The following SLC9A9 variants were observed in gnomAD, a reference collection of about 807,000 sequenced individuals.
SLC9A9 encodes solute carrier family 9 member A9.
In SLC9A9, 62 loss-of-function variants were observed where a neutral mutation model predicts 77.8. The ratio of observed to expected loss-of-function variants is 0.80; its 90% CI spans 0.65 to 0.98. SLC9A9 has a LOEUF of 0.98. Ranked by LOEUF, SLC9A9 falls within the 50% of genes least tolerant of loss-of-function variation. SLC9A9 has a pLI of 0.00. For synonymous variants in SLC9A9, 320 were observed against 283.5 expected, an observed-to-expected ratio of 1.13 and a Z score of -1.29; for missense variants, 775 against 774.9, an observed-to-expected ratio of 1.00 and a Z score of 0.00.
intron 6 of SLC9A9, among the ~76,000 whole-genome samples, chr3:143,624,328 A>G (rs1454011798): frequency 2.6e-5 from 4 of 152,180 alleles, no homozygotes; most frequent in Non-Finnish European, 1.5e-5. Context: ...AGAATTTTAG[A>G]CCAATATCCC....
At chr3:143,392,056 A>G (rs1020066130) in intron 12 of SLC9A9, among the ~76,000 whole-genome samples, 16 of 152,246 alleles carry the variant, frequency 1.1e-4, no homozygotes, top group African/African-American at 2.2e-4. Context: ...AACTTCCCCA[A>G]TCTAGCAAGG....
chr3:143,402,191 G>GT (rs869170076), intron 12 of SLC9A9, among the ~76,000 whole-genome samples: 1 of 152,014 alleles, frequency 6.6e-6, no homozygotes, highest in Non-Finnish European at 1.5e-5. Context: ...GAATTAAACA[G>GT]TTTTTTTAAA....
intron 5 of SLC9A9, among the ~76,000 whole-genome samples, chr3:143,653,248 G>A (rs1197414877): frequency 1.3e-5 from 2 of 152,130 alleles, no homozygotes; most frequent in African/African-American, 4.8e-5. Context: ...CCATGTTCTT[G>A]TATTGAGCCT....
chr3:143,781,894 G>C (rs1477655814), intron 4 of SLC9A9, among the ~76,000 whole-genome samples: 1 of 152,198 alleles, frequency 6.6e-6, no homozygotes, highest in Non-Finnish European at 1.5e-5. Context: ...GCATCGCAGA[G>C]CTGTAGTTAA....
At chr3:143,555,237 T>G (rs1023479851) in intron 8 of SLC9A9, among the ~76,000 whole-genome samples, 1 of 152,222 alleles carries the variant, frequency 6.6e-6, no homozygotes, top group East Asian at 1.9e-4. Context: ...TCTGCTGCCA[T>G]GTAAGATGTG....
chr3:143,729,699 C>T (rs1934752856), intron 4 of SLC9A9, among the ~76,000 whole-genome samples: 1 of 152,152 alleles, frequency 6.6e-6, no homozygotes, highest in Non-Finnish European at 1.5e-5. Context: ...ACTCCTCTGC[C>T]CCAACTCACC....
At chr3:143,272,487 AG>A (rs1937925990) in intron 14 of SLC9A9, among the ~76,000 whole-genome samples, 1 of 152,218 alleles carries the variant, frequency 6.6e-6, no homozygotes, top group African/African-American at 2.4e-5. Flanking sequence ...GCCTGAATTC[AG>A]GGGCTCTTCT....
intron 14 of SLC9A9, among the ~76,000 whole-genome samples, chr3:143,337,597 G>T (rs1187731978): frequency 2.6e-5 from 4 of 152,214 alleles, no homozygotes; most frequent in Non-Finnish European, 4.4e-5. Flanking sequence ...GGACGCTGGA[G>T]AAACATATGG....
In SLC9A9 at chr3:143,552,380, G is replaced by A. The variant is rs559962490; in HGVS notation, c.1071C>T (p.Ser357=). The change falls in exon 9 of 16, where the codon TCC becomes TCT. Residue 357 remains serine, a synonymous_variant. Transcript: ENST00000316549. ...HYTYNNLSSD[S]KIRTKQLFEF... ...CTTTTACCTGTTTAGTTCTTATTTT[G>A]GAATCCGAAGACAGATTGTTGTAGG... 1.2e-6 allele frequency: 2 copies of A among 1,612,072 alleles called. No homozygotes were observed. The highest frequency in any genetic ancestry group is 2.2e-5 in the South Asian group (2 of 90,824).
At chr3:143,616,415 A>T (rs1404458718) in intron 6 of SLC9A9, among the ~76,000 whole-genome samples, 2 of 151,992 alleles carry the variant, frequency 1.3e-5, no homozygotes, top group Non-Finnish European at 2.9e-5. Flanking sequence ...CCCCCAGAAA[A>T]CTCCTCAAAA....
intron 4 of SLC9A9, among the ~76,000 whole-genome samples, chr3:143,703,721 G>A (rs1933871345): frequency 1.3e-5 from 2 of 151,940 alleles, no homozygotes; most frequent in Admixed American, 6.6e-5. Context: ...AAAGATCAGA[G>A]CAGAAATAAA....
chr3:143,787,860 T>G (rs2008099789), intron 4 of SLC9A9, among the ~76,000 whole-genome samples: 1 of 151,016 alleles, frequency 6.6e-6, no homozygotes, highest in African/African-American at 2.4e-5. Flanking sequence ...TTTATAAATG[T>G]AAATATATAT....
At chr3:143,424,438 C>T (rs1327822296) in intron 12 of SLC9A9, among the ~76,000 whole-genome samples, 5 of 152,032 alleles carry the variant, frequency 3.3e-5, no homozygotes, top group South Asian at 2.1e-4. Context: ...CCACCACACC[C>T]GGCTAATTTT....
chr3:143,527,775 T>C (rs750585307), intron 9 of SLC9A9, among the ~76,000 whole-genome samples: 18 of 152,058 alleles, frequency 1.2e-4, no homozygotes, highest in Non-Finnish European at 2.6e-4. Context: ...GCCTCAGCAG[T>C]GGGGCACAAC....
At chr3:143,580,124 T>C (rs1455166892) in intron 6 of SLC9A9, among the ~76,000 whole-genome samples, 1 of 152,186 alleles carries the variant, frequency 6.6e-6, no homozygotes, top group African/African-American at 2.4e-5. Context: ...TAAACCCACA[T>C]CTGGGTCCTT....
rs1248779863 is a variant in SLC9A9 at position 143,806,688 on chromosome 3, G to A, written c.379-9785C>T. Among the ~76,000 whole-genome samples the A allele has an allele frequency of 4.7e-5, 7 of 150,372 alleles. No individual in the cohort carries two copies. In the East Asian group the frequency reaches 8.0e-4, roughly 17 times the overall value. ...ACAATTGAACTCATGGAGAGAAAGA[G>A]TAAGTAGAATGATGGTTACCAGAGG... On this transcript the variant is annotated intron_variant, in intron 2 of 15. Coordinates refer to ENST00000316549, the MANE Select transcript of SLC9A9 (RefSeq NM_173653.4).
Position 143,812,819 on chromosome 3 carries a change from C to T in SLC9A9, c.379-15916G>A, listed in dbSNP as rs2008904005. ...ATGGCTCCAGGAGAGGAACCCAGTG[C>T]CCCATCATTGACCTAAAAAGCCACA... On this transcript the variant is annotated intron_variant, in intron 2 of 15. Transcript: ENST00000316549. Among the ~76,000 whole-genome samples, 4 of 152,144 alleles carry T rather than the reference C, an allele frequency of 2.6e-5. No individual in the cohort carries two copies. The South Asian group carries it at 8.3e-4, about 31-fold the overall frequency.
chr3:143,542,346 T>C (rs1012721761), intron 9 of SLC9A9, among the ~76,000 whole-genome samples: 11 of 152,088 alleles, frequency 7.2e-5, no homozygotes, highest in African/African-American at 2.7e-4. Flanking sequence ...ACAAAAGAAA[T>C]GTAATTAGAG....
intron 14 of SLC9A9, among the ~76,000 whole-genome samples, chr3:143,294,099 T>TA (rs1025270929): frequency 1.2e-4 from 18 of 152,320 alleles, no homozygotes; most frequent in African/African-American, 3.4e-4. Flanking sequence ...AAAAGTTGGA[T>TA]AAAAAAATCA....
Sources: gnomAD v4.1 joint callset for allele counts (sites outside exome capture counted in the v4.1 genomes callset) on GRCh38, gnomAD v4.1.1 for gene constraint, MANE v1.5 for transcripts, NCBI Gene and HGNC (gene_info 2026-07-23, HGNC 2026-07-21) for gene names.